Variants in C1orf21 observed in about 807,000 individuals in gnomAD.
C1orf21 encodes chromosome 1 open reading frame 21, also known as uncharacterized protein C1orf21.
C1orf21 carries 3 observed loss-of-function variants against 18.7 expected under a neutral mutation model. The observed-to-expected ratio is 0.16, with a 90% CI of 0.07 to 0.42. The LOEUF is 0.42. Ranked by LOEUF, C1orf21 falls within the 10% of genes least tolerant of loss-of-function variation. C1orf21 has a pLI of 0.99. For synonymous variants in C1orf21, 41 were observed against 46.4 expected, an observed-to-expected ratio of 0.88 and a Z score of 0.47; for missense variants, 104 against 143.6, an observed-to-expected ratio of 0.72 and a Z score of 1.41.
chr1:184,492,297 G>T (rs1657828097), intron 2 of C1orf21, among the ~76,000 whole-genome samples: 1 of 152,222 alleles, frequency 6.6e-6, no homozygotes, highest in Non-Finnish European at 1.5e-5. Flanking sequence ...TCTTGGGAGT[G>T]AGTGGGTGGA....
At chr1:184,540,966 C>A (rs1232783302) in intron 3 of C1orf21, among the ~76,000 whole-genome samples, 1 of 152,140 alleles carries the variant, frequency 6.6e-6, no homozygotes. Flanking sequence ...TAATAGCTAA[C>A]AATTGTTGTA....
At chr1:184,546,060 C>T (rs1245333922) in intron 3 of C1orf21, 3 of 152,188 alleles carry the variant, frequency 2.0e-5, no homozygotes, top group Non-Finnish European at 4.4e-5. Context: ...TGCTAGACAC[C>T]TCCATCTTGC....
chr1:184,547,191 A>G (rs765093941), intron 3 of C1orf21, among the ~76,000 whole-genome samples: 1 of 152,164 alleles, frequency 6.6e-6, no homozygotes, highest in Non-Finnish European at 1.5e-5. Flanking sequence ...GAGCAGCCAG[A>G]AGAGGCCAGA....
chr1:184,502,484 C>T (rs371276589), intron 2 of C1orf21, among the ~76,000 whole-genome samples: 30 of 152,130 alleles, frequency 2.0e-4, no homozygotes, highest in Non-Finnish European at 3.7e-4. Context: ...TAAGCACCAC[C>T]ACAGGGCTTT....
intron 3 of C1orf21, among the ~76,000 whole-genome samples, chr1:184,521,195 A>AT (rs1362485470): frequency 6.6e-6 from 1 of 151,984 alleles, no homozygotes; most frequent in Non-Finnish European, 1.5e-5. Context: ...GGCCAATATA[A>AT]TTTTTTTTCT....
chr1:184,595,971 C>T (rs1053696579), intron 4 of C1orf21, among the ~76,000 whole-genome samples: 37 of 152,166 alleles, frequency 2.4e-4, no homozygotes, highest in African/African-American at 8.7e-4. Context: ...AAACTGAAAT[C>T]GCTGAGAGTT....
intron 3 of C1orf21, among the ~76,000 whole-genome samples, chr1:184,535,028 G>A (rs1658529487): frequency 2.0e-5 from 3 of 149,922 alleles, no homozygotes; most frequent in Non-Finnish European, 1.5e-5. Context: ...CTAAAGGTAA[G>A]GTATTCTCGA....
intron 1 of C1orf21, among the ~76,000 whole-genome samples, chr1:184,406,836 C>A (rs147247999): frequency 2.3e-3 from 345 of 152,206 alleles, no homozygotes; most frequent in Middle Eastern, 0.017. Context: ...GCCCTGTCAC[C>A]CAGGCTGGAG....
Position 184,565,935 on chromosome 1 carries a change from A to G in C1orf21, c.190-24804A>G, listed in dbSNP as rs552367265. 3.3e-5 allele frequency among the ~76,000 whole-genome samples: 5 copies of G among 152,254 alleles called. No homozygotes were observed. In the South Asian group the frequency reaches 1.0e-3, roughly 32 times the overall value. On this transcript the variant is annotated intron_variant, in intron 3 of 5. Coordinates refer to ENST00000235307, the MANE Select transcript of C1orf21 (RefSeq NM_030806.4). ...ATTTTCTGTTTAATGTTGATTTTTG[A>G]GTATAAAAATAAGGAGAGGACATTT...
At chr1:184,534,517 A>G (rs187754417) in intron 3 of C1orf21, among the ~76,000 whole-genome samples, 50 of 152,312 alleles carry the variant, frequency 3.3e-4, no homozygotes, top group Admixed American at 3.0e-3. Flanking sequence ...TAGATTTAAC[A>G]AAGACACTAT....
chr1:184,440,772 C>T (rs928270637), intron 1 of C1orf21, among the ~76,000 whole-genome samples: 36 of 152,232 alleles, frequency 2.4e-4, no homozygotes, highest in African/African-American at 8.2e-4. Flanking sequence ...ATATGTGTTA[C>T]GTATTCAACA....
At chr1:184,486,477 G>A (rs1272510496) in intron 2 of C1orf21, among the ~76,000 whole-genome samples, 1 of 152,180 alleles carries the variant, frequency 6.6e-6, no homozygotes, top group Non-Finnish European at 1.5e-5. Context: ...AACAAGGCCA[G>A]TGCACAATTA....
At chr1:184,575,611 T>TAAAAAAAAAAAAAAAAAAAAAAAAAAAA (rs59167087) in intron 3 of C1orf21, among the ~76,000 whole-genome samples, 1 of 83,508 alleles carries the variant, frequency 1.2e-5, no homozygotes, top group Non-Finnish European at 2.6e-5. Flanking sequence ...CACAAAAAGG[T>TAAAAAAAAAAAAAAAAAAAAAAAAAAAA]AAAAAAAAAA....
chr1:184,408,927 C>T (rs1336376715), intron 1 of C1orf21, among the ~76,000 whole-genome samples: 1 of 152,182 alleles, frequency 6.6e-6, no homozygotes, highest in Non-Finnish European at 1.5e-5. Flanking sequence ...TCCCCCAGAA[C>T]ATTTTAGAAC....
chr1:184,430,708 G>T (rs1026733226), intron 1 of C1orf21, among the ~76,000 whole-genome samples: 15 of 152,086 alleles, frequency 9.9e-5, no homozygotes, highest in African/African-American at 3.4e-4. Flanking sequence ...TTCATCTTTG[G>T]TTCTAATTAG....
chr1:184,501,936 A>T (rs1267523067), intron 2 of C1orf21, among the ~76,000 whole-genome samples: 1 of 152,254 alleles, frequency 6.6e-6, no homozygotes, highest in African/African-American at 2.4e-5. Context: ...ACAAATAAAG[A>T]AATACAAATA....
intron 3 of C1orf21, among the ~76,000 whole-genome samples, chr1:184,575,720 AGAG>A (rs1357749263): frequency 6.6e-6 from 1 of 152,038 alleles, no homozygotes; most frequent in Non-Finnish European, 1.5e-5. Context: ...TTTAATACAA[AGAG>A]TTCATACCAG....
chr1:184,422,975 A>C (rs1429535644), intron 1 of C1orf21, among the ~76,000 whole-genome samples: 1 of 152,212 alleles, frequency 6.6e-6, no homozygotes, highest in Non-Finnish European at 1.5e-5. Flanking sequence ...GGCATGTACT[A>C]CTAGGTTTTA....
At chr1:184,500,196 C>T (rs560072247) in intron 2 of C1orf21, among the ~76,000 whole-genome samples, 60 of 152,238 alleles carry the variant, frequency 3.9e-4, no homozygotes, top group African/African-American at 1.4e-3. Flanking sequence ...TAAAAGAGTC[C>T]AGGCTGGATT....
Sources: allele counts gnomAD v4.1 joint callset (sites outside exome capture counted in the v4.1 genomes callset), GRCh38; gene constraint gnomAD v4.1.1; transcripts MANE v1.5; gene names NCBI Gene and HGNC (gene_info 2026-07-23, HGNC 2026-07-21).